YWHAE: variants seen among roughly 807,000 people sequenced by gnomAD.
The protein encoded by YWHAE is tyrosine 3-monooxygenase/tryptophan 5-monooxygenase activation protein epsilon.
Under a neutral mutation model 30.1 loss-of-function variants are expected in YWHAE, and 4 were observed. The ratio of observed to expected loss-of-function variants is 0.13; its 90% CI spans 0.07 to 0.30. The LOEUF (loss-of-function observed/expected upper bound fraction) is 0.30. Among genes scored for constraint, YWHAE ranks in the 10% least tolerant of loss-of-function variants. The pLI is 1.00. For synonymous variants in YWHAE, 118 were observed against 111.8 expected (o/e 1.06, Z -0.35); for missense variants, 121 against 315.9 (o/e 0.38, Z 4.68).
chr17:1,385,810 A>G (rs1209667369), intron 1 of YWHAE, among the ~76,000 whole-genome samples: 1 of 152,168 alleles, frequency 6.6e-6, no homozygotes, highest in Non-Finnish European at 1.5e-5. Context: ...AAGCTGAGCC[A>G]AAAGACTGCT....
chr17:1,345,909 A>ATTTAAATTAG (rs2072509307), intron 5 of YWHAE, among the ~76,000 whole-genome samples: 2 of 152,336 alleles, frequency 1.3e-5, no homozygotes, highest in Admixed American at 1.3e-4. Context: ...TAATTTACCC[A>ATTTAAATTAG]CAAGCTAATT....
intron 1 of YWHAE, among the ~76,000 whole-genome samples, chr17:1,395,733 G>A (rs766071069): frequency 3.9e-5 from 6 of 152,152 alleles, no homozygotes; most frequent in African/African-American, 1.2e-4. Flanking sequence ...TAACAAGACC[G>A]TAGTAAAAAG....
intron 1 of YWHAE, among the ~76,000 whole-genome samples, chr17:1,386,165 T>C (rs1467441671): frequency 1.3e-5 from 2 of 152,200 alleles, no homozygotes; most frequent in African/African-American, 4.8e-5. Context: ...GATGATATTA[T>C]TATTACAGGG....
rs560092372 is a variant in YWHAE, at chr17:1,385,176, T to C, written c.64+14871A>G. Among the ~76,000 whole-genome samples, 172 of 122,344 alleles carry C rather than the reference T, an allele frequency of 1.4e-3. 1 individual carries two copies. The highest frequency in any genetic ancestry group is 5.2e-3 in the African/African-American group (164 of 31,792). 80.3% of individuals were successfully genotyped at this position (122,344 alleles called of 152,430 possible). ...AAAAAAAAAAAAAGTAAAGATAAAA[T>C]GAATACAGAAATGTTGGCAGCATTC... On this transcript the variant is annotated intron_variant, in intron 1 of 5. Transcript: ENST00000264335.
rs137926100 is a variant in YWHAE at position 1,355,088 on chromosome 17, G to A, written c.579-741C>T. On this transcript the variant is annotated intron_variant, in intron 4 of 5. Coordinates refer to ENST00000264335, the MANE Select transcript of YWHAE (RefSeq NM_006761.5). ...AGCCTCTTGAGTGGCTGGGACAAAC[G>A]GTACACACTACCACCCCCAAGATTT... Among the ~76,000 whole-genome samples, 601 of 98,498 alleles carry A rather than the reference G, an allele frequency of 6.1e-3. 9 individuals are homozygous for A. The highest frequency in any genetic ancestry group is 0.022 in the African/African-American group (543 of 24,904). The allele number at this position is 98,498 out of a possible 152,430, so 64.6% of individuals were successfully genotyped here.
chr17:1,352,944 C>A (rs527575010), intron 5 of YWHAE, among the ~76,000 whole-genome samples: 7 of 152,198 alleles, frequency 4.6e-5, no homozygotes, highest in Non-Finnish European at 8.8e-5. Context: ...TCCTATCACA[C>A]TAATTTGTCC....
chr17:1,387,389 C>T (rs1277486845), intron 1 of YWHAE, among the ~76,000 whole-genome samples: 1 of 151,996 alleles, frequency 6.6e-6, no homozygotes, highest in Non-Finnish European at 1.5e-5. Context: ...ACACTAAGTA[C>T]AGGAAAAACA....
At chr17:1,353,165 A>C (rs1257949474) in intron 5 of YWHAE, among the ~76,000 whole-genome samples, 1 of 152,152 alleles carries the variant, frequency 6.6e-6, no homozygotes, top group African/African-American at 2.4e-5. Context: ...CAGGCCGGGC[A>C]CGGTGGCTTG....
At chr17:1,363,077 C>A (rs779116853) in intron 2 of YWHAE, among the ~76,000 whole-genome samples, 4 of 152,152 alleles carry the variant, frequency 2.6e-5, no homozygotes, top group Non-Finnish European at 4.4e-5. Context: ...AGCCATGTTC[C>A]ATTCAACAGA....
chr17:1,344,512 A>T lies in YWHAE; in HGVS notation c.*935T>A, dbSNP rs2072484657. 1 of 197,814 alleles carries T rather than the reference A, an allele frequency of 5.1e-6. No individual in the cohort carries two copies. Among genetic ancestry groups the T allele is most frequent in the African/African-American group, 2.3e-5 (1 of 43,380 alleles). The allele number at this position is 197,814 out of a possible 1,614,324, so 12.3% of individuals were successfully genotyped here. The stretch of plus-strand genomic sequence containing the variant: ...GTGTTTGGACTAGAGATTTTATTTT[A>T]GAAGTATAAAGGATGGAGGCGCGAT... On this transcript the variant is annotated 3_prime_UTR_variant, in exon 6 of 6. Coordinates refer to ENST00000264335, the MANE Select transcript of YWHAE (RefSeq NM_006761.5).
At chr17:1,379,601 A>C (rs151327378) in intron 1 of YWHAE, among the ~76,000 whole-genome samples, 47 of 152,368 alleles carry the variant, frequency 3.1e-4, no homozygotes, top group African/African-American at 1.1e-3. Flanking sequence ...ACAAAATGTC[A>C]AATCTGTAGC....
chr17:1,356,533 A>C (rs2072746363), intron 4 of YWHAE, among the ~76,000 whole-genome samples: 1 of 152,252 alleles, frequency 6.6e-6, no homozygotes, highest in Non-Finnish European at 1.5e-5. Flanking sequence ...GAGTGACTTT[A>C]AACTGGAGCT....
intron 4 of YWHAE, 120 bp from the exon 5 acceptor site, chr17:1,354,467 G>T: frequency 9.7e-7 from 1 of 1,029,288 alleles, no homozygotes; most frequent in Non-Finnish European, 1.4e-6. Context: ...CAATGATAAT[G>T]CAAAGAAAAA....
At chr17:1,386,678 G>A (rs1455053301) in intron 1 of YWHAE, among the ~76,000 whole-genome samples, 2 of 152,198 alleles carry the variant, frequency 1.3e-5, no homozygotes, top group African/African-American at 2.4e-5. Flanking sequence ...AGCCAGGCAC[G>A]GTGGCTCACG....
At chr17:1,353,717 T>C (rs577820866) in intron 5 of YWHAE, among the ~76,000 whole-genome samples, 1 of 151,580 alleles carries the variant, frequency 6.6e-6, no homozygotes, top group South Asian at 2.1e-4. Flanking sequence ...TAAGCCGAGA[T>C]TGAGCCACCG....
chr17:1,353,655 C>T (rs1310138298), intron 5 of YWHAE, among the ~76,000 whole-genome samples: 2 of 151,458 alleles, frequency 1.3e-5, no homozygotes, highest in African/African-American at 2.4e-5. Flanking sequence ...CCCAGCTACC[C>T]TGGGAAGCTG....
At chr17:1,352,317 C>T (rs193056459) in intron 5 of YWHAE, 53 of 152,224 alleles carry the variant, frequency 3.5e-4, no homozygotes, top group African/African-American at 1.1e-3. Context: ...GCTGAGTCAC[C>T]TAATTCTCAC....
intron 4 of YWHAE, among the ~76,000 whole-genome samples, chr17:1,356,706 C>T (rs1200603103): frequency 1.3e-5 from 2 of 152,100 alleles, no homozygotes; most frequent in Non-Finnish European, 2.9e-5. Context: ...CGCCTGTAAT[C>T]CCAGCACTCT....
intron 5 of YWHAE, among the ~76,000 whole-genome samples, chr17:1,353,632 G>A (rs190981233): frequency 2.0e-5 from 3 of 151,760 alleles, no homozygotes; most frequent in Admixed American, 6.6e-5. Flanking sequence ...TCGTGATAAC[G>A]GGTGCCTGCA....
Sources: gnomAD v4.1 joint callset for allele counts (sites outside exome capture counted in the v4.1 genomes callset) on GRCh38, gnomAD v4.1.1 for gene constraint, MANE v1.5 for transcripts, NCBI Gene and HGNC (gene_info 2026-07-23, HGNC 2026-07-21) for gene names.